Variants in DST observed in about 807,000 individuals in gnomAD.
DST encodes bullous pemphigoid antigen.
In DST, 253 loss-of-function variants were observed where a neutral mutation model predicts 875.2. The observed-to-expected ratio is 0.29, with a 90% CI of 0.26 to 0.32. The LOEUF (loss-of-function observed/expected upper bound fraction) is 0.32, where lower values mean the gene tolerates loss of function less well. Among genes scored for constraint, DST ranks in the 10% least tolerant of loss-of-function variants. The pLI, the probability that DST is intolerant of heterozygous loss-of-function variation, is 1.00. For synonymous variants in DST, 3,124 were observed against 3,197.1 expected, an observed-to-expected ratio of 0.98 and a Z score of 0.77; for missense variants, 8,287 against 9,111.6, an observed-to-expected ratio of 0.91 and a Z score of 3.68.
chr6:56,777,913 G>A (rs1244585067), intron 4 of DST, among the ~76,000 whole-genome samples: 1 of 151,994 alleles, frequency 6.6e-6, no homozygotes, highest in African/African-American at 2.4e-5. Flanking sequence ...ATGTTGCCCA[G>A]GCTGGTCTCA....
intron 4 of DST, among the ~76,000 whole-genome samples, chr6:56,790,150 TC>T (rs1252641128): frequency 3.3e-5 from 5 of 152,066 alleles, no homozygotes; most frequent in African/African-American, 7.2e-5. Context: ...CTGGGGACTT[TC>T]CCATTATTTC....
At chr6:56,928,126 T>TA (rs1252496308) in intron 2 of DST, among the ~76,000 whole-genome samples, 1 of 152,166 alleles carries the variant, frequency 6.6e-6, no homozygotes, top group African/African-American at 2.4e-5. Context: ...TGCTGGTACC[T>TA]ACAAGGCGGA....
intron 9 of DST, among the ~76,000 whole-genome samples, chr6:56,680,763 A>T (rs148958177): frequency 6.6e-6 from 1 of 151,998 alleles, no homozygotes; most frequent in South Asian, 2.1e-4. Flanking sequence ...TCTCTACCAC[A>T]ATGGCTTTAA....
chr6:56,495,170 A>T (rs1346029137), intron 82 of DST, among the ~76,000 whole-genome samples: 1 of 151,998 alleles, frequency 6.6e-6, no homozygotes, highest in Non-Finnish European at 1.5e-5. Flanking sequence ...TAAATCCTAA[A>T]GCAAAACTTT....
At chr6:56,495,267 T>C (rs1486836250) in intron 82 of DST, among the ~76,000 whole-genome samples, 1 of 151,980 alleles carries the variant, frequency 6.6e-6, no homozygotes, top group African/African-American at 2.4e-5. Context: ...AAGAACTTTA[T>C]TGAAATGATA....
At position 56,714,550 on chromosome 6, in the gene DST, A is replaced by C. The variant is rs11961342; in HGVS notation, c.688-10181T>G. 0.25 allele frequency among the ~76,000 whole-genome samples: 38,104 copies of C among 152,022 alleles called. 6,465 individuals carry two copies. Among genetic ancestry groups the C allele is most frequent in the African/African-American group, 0.48 (19,886 of 41,426 alleles). ...TTCTCTCCAGCCCCTGTCTGAGCAC[A>C]CTCCCTTTTAAAGTGACAAGTTTCA... is the stretch of plus-strand genomic sequence containing the variant. On this transcript the variant is annotated intron_variant, in intron 5 of 103. Coordinates refer to ENST00000680361, the MANE Select transcript of DST (RefSeq NM_001374736.1). The surrounding 1 kb of genome is among the most constrained non-coding windows in gnomAD (Gnocchi z 4.5).
chr6:56,459,193 C>T lies in DST; in HGVS notation c.23269G>A (p.Gly7757Ser), dbSNP rs2094194221. ...ATGTCAAAGTCTGATGCATCACTGCCTCGGCGGCTGCTGGCCCTGCTGCCA... is the reference window on the plus strand; with the variant it reads ...ATGTCAAAGTCTGATGCATCACTGCTTCGGCGGCTGCTGGCCCTGCTGCCA... ...KAGSRASSRR[G>S]SDASDFDISE... Residue 7757 changes from glycine to serine, a missense_variant, in exon 104 of 104, where the codon GGC becomes AGC. Physicochemically the swap from Gly to Ser is moderately conservative, Grantham distance 56 (BLOSUM62 0). Coordinates refer to ENST00000680361, the MANE Select transcript of DST (RefSeq NM_001374736.1). 1 of 1,613,770 alleles carries T rather than the reference C, an allele frequency of 6.2e-7. No homozygotes were observed. Among genetic ancestry groups the T allele is most frequent in the South Asian group, 1.1e-5 (1 of 91,068 alleles).
At chr6:56,539,113 T>C (rs574816184) in intron 61 of DST, among the ~76,000 whole-genome samples, 1 of 152,300 alleles carries the variant, frequency 6.6e-6, no homozygotes, top group South Asian at 2.1e-4. Flanking sequence ...CCCTCTTATA[T>C]AGTTTTCAGG....
In DST at chr6:56,606,108, A is replaced by G; in HGVS notation, c.8520T>C (p.Cys2840=). The change falls in exon 40 of 104, where the codon TGT becomes TGC. Residue 2840 remains cysteine, a synonymous_variant. Coordinates refer to ENST00000680361, the MANE Select transcript of DST (RefSeq NM_001374736.1). ...CACTGTTTTCATTTAAAATAGAGGC[A>G]CACAACTGGATATCCATATCTTCAG... ...NVAEDMDIQL[C]ASILNENSDE... 6.2e-7 allele frequency: 1 copy of G among 1,612,964 alleles called. No individual in the cohort carries two copies. The highest frequency in any genetic ancestry group is 8.5e-7 in the Non-Finnish European group (1 of 1,179,292).
At chr6:56,851,952 A>G (rs1009341681) in intron 3 of DST, 23 of 1,496,808 alleles carry the variant, frequency 1.5e-5, no homozygotes, top group Non-Finnish European at 1.9e-5. Context: ...TTACAAACCT[A>G]TAGTATTTGG....
chr6:56,693,342 C>T (rs1230694665), intron 9 of DST: 28 of 1,163,920 alleles, frequency 2.4e-5, no homozygotes, highest in Admixed American at 8.2e-5. Flanking sequence ...GCATCCTGCC[C>T]AGCCGGTCCG....
Position 56,614,521 on chromosome 6 carries a change from A to G in DST, c.4930-37T>C, listed in dbSNP as rs764173455. On this transcript the variant is annotated intron_variant, in intron 36 of 103. Coordinates refer to ENST00000680361, the MANE Select transcript of DST (RefSeq NM_001374736.1). ...GAGCGGTAAGAAAAATATACACTGC[A>G]TTAAATGACTTAGCTATTAAACTGA... 7 of 1,537,176 alleles carry G rather than the reference A, an allele frequency of 4.6e-6. No individual in the cohort carries two copies. The South Asian group carries it at 9.2e-5, about 20-fold the overall frequency.
chr6:56,666,524 T>G lies in DST; in HGVS notation c.1214+4117A>C, dbSNP rs192241886. 1.9e-3 allele frequency among the ~76,000 whole-genome samples: 283 copies of G among 152,270 alleles called. 3 individuals carry two copies. Among genetic ancestry groups the G allele is most frequent in the Admixed American group, 0.017 (262 of 15,284 alleles). On this transcript the variant is annotated intron_variant, in intron 10 of 103. Coordinates refer to ENST00000680361, the MANE Select transcript of DST (RefSeq NM_001374736.1). ...CATAGGGATAACCACATCCCTCTTT[T>G]CATCCACTACAGCAACCAACAGAAA...
intron 36 of DST, chr6:56,620,475 T>C: frequency 1.9e-6 from 3 of 1,614,160 alleles, no homozygotes; most frequent in Non-Finnish European, 2.5e-6. Context: ...TCAGCCCTTA[T>C]CTTCTGCAGA....
intron 4 of DST, chr6:56,843,478 G>A (rs2099803024): frequency 1.0e-6 from 1 of 994,502 alleles, no homozygotes; most frequent in Non-Finnish European, 1.2e-6. Flanking sequence ...GGAGCGGGGC[G>A]TGCGGCGAGG....
chr6:56,760,539 A>G (rs1340370487), intron 4 of DST, among the ~76,000 whole-genome samples: 2 of 152,200 alleles, frequency 1.3e-5, no homozygotes, highest in African/African-American at 4.8e-5. Flanking sequence ...GTAAAAAGCA[A>G]GCTGATCAGG....
chr6:56,833,915 A>C (rs904565608), intron 4 of DST, among the ~76,000 whole-genome samples: 1 of 145,966 alleles, frequency 6.9e-6, no homozygotes, highest in Non-Finnish European at 1.5e-5. Context: ...ACTCAACAAT[A>C]AAAAAAAAAA....
chr6:56,494,328 C>T (rs2095843512), intron 82 of DST, 148 bp from the exon 83 acceptor site: 1 of 620,958 alleles, frequency 1.6e-6, no homozygotes, highest in Admixed American at 3.3e-5. Context: ...ATACTTTTCA[C>T]TACATTGAAA....
chr6:56,532,378 T>C lies in DST; in HGVS notation c.17074A>G (p.Arg5692Gly), dbSNP rs780148380. ...GCTTTATTAAGCAATGCCTCCCATCTGCTATCCAAGAGACTGAGCTGTTTC... is the reference window on the plus strand; with the variant it reads ...GCTTTATTAAGCAATGCCTCCCATCCGCTATCCAAGAGACTGAGCTGTTTC... ...ILKQLSLLDS[R>G]WEALLNKAET... Residue 5692 changes from arginine to glycine, a missense_variant, in exon 64 of 104, where the codon AGA (arginine) becomes GGA (glycine). Transcript: ENST00000680361. The C allele has an allele frequency of 6.2e-7, 1 of 1,613,718 alleles. No homozygotes were observed. Among genetic ancestry groups the C allele is most frequent in the African/African-American group, 1.3e-5 (1 of 75,060 alleles).
Sources: gnomAD v4.1 joint callset for allele counts (sites outside exome capture counted in the v4.1 genomes callset) on GRCh38, gnomAD v4.1.1 for gene constraint, Gnocchi (gnomAD v3.1) non-coding constraint, MANE v1.5 for transcripts, NCBI Gene and HGNC (gene_info 2026-07-23, HGNC 2026-07-21) for gene names.